Variants in MALRD1 observed in about 807,000 individuals in gnomAD.
MALRD1 encodes MAM and LDL-receptor class A domain-containing protein 1.
A neutral mutation model predicts 242.1 loss-of-function variants in MALRD1; 247 were observed. The ratio of observed to expected loss-of-function variants is 1.02; its 90% CI spans 0.92 to 1.13. The LOEUF (loss-of-function observed/expected upper bound fraction) is 1.13. Among genes scored for constraint, MALRD1 ranks in the 50% most tolerant of loss-of-function variants. The pLI, the probability that MALRD1 is intolerant of heterozygous loss-of-function variation, is 0.00. For synonymous variants in MALRD1, 995 were observed against 866.6 expected, an observed-to-expected ratio of 1.15 and a Z score of -2.60; for missense variants, 2,989 against 2,533.1, an observed-to-expected ratio of 1.18 and a Z score of -3.86.
At chr10:19,121,823 G>A (rs1263703184) in intron 5 of MALRD1, among the ~76,000 whole-genome samples, 1 of 152,166 alleles carries the variant, frequency 6.6e-6, no homozygotes, top group Non-Finnish European at 1.5e-5. Flanking sequence ...CCAATGAAAT[G>A]TGAAGCAAGG....
At chr10:19,542,688 A>C (rs1589221381) in intron 32 of MALRD1, among the ~76,000 whole-genome samples, 1 of 152,156 alleles carries the variant, frequency 6.6e-6, no homozygotes, top group African/African-American at 2.4e-5. Flanking sequence ...ATAGCTTCTC[A>C]GTTGGATACA....
At chr10:19,454,399 G>T (rs1172288799) in intron 29 of MALRD1, among the ~76,000 whole-genome samples, 1 of 38,982 alleles carries the variant, frequency 2.6e-5, no homozygotes, top group Non-Finnish European at 5.4e-5. Flanking sequence ...GGTAGATTAT[G>T]CATATGATAT....
chr10:19,661,865 C>G (rs533792207), intron 36 of MALRD1, among the ~76,000 whole-genome samples: 2 of 151,928 alleles, frequency 1.3e-5, no homozygotes, highest in African/African-American at 2.4e-5. Context: ...TTACAGAGAA[C>G]AAACCAAGGA....
Position 19,387,614 on chromosome 10 carries a change from G to A in MALRD1, c.4528G>A (p.Asp1510Asn), listed in dbSNP as rs1469627526. The A allele has an allele frequency of 1.3e-6, 2 of 1,550,278 alleles. No individual in the cohort carries two copies. Among genetic ancestry groups the A allele is most frequent in the African/African-American group, 1.4e-5 (1 of 73,008 alleles). Residue 1510 changes from aspartate (D) to asparagine (N), a missense_variant, in exon 27 of 40, where the codon GAT becomes AAT. Physicochemically the swap from Asp to Asn is conservative, Grantham distance 23 (BLOSUM62 1). Coordinates refer to ENST00000454679, the MANE Select transcript of MALRD1 (RefSeq NM_001142308.3). Reference protein sequence around the residue: ...QSCNFVDNCGDNTDENECGSS... With the variant: ...QSCNFVDNCGNNTDENECGSS... ...CTGTAACTTCGTAGATAACTGTGGAGATAATACTGATGAAAATGAGTGTGG... is the reference window on the plus strand; with the variant it reads ...CTGTAACTTCGTAGATAACTGTGGAAATAATACTGATGAAAATGAGTGTGG...
intron 36 of MALRD1, among the ~76,000 whole-genome samples, chr10:19,659,677 T>C (rs989485132): frequency 5.3e-5 from 8 of 152,176 alleles, no homozygotes; most frequent in African/African-American, 1.9e-4. Flanking sequence ...TTTTCTAACA[T>C]AATTGTAAGA....
intron 32 of MALRD1, among the ~76,000 whole-genome samples, chr10:19,542,853 C>G (rs1220768770): frequency 6.6e-6 from 1 of 152,042 alleles, no homozygotes; most frequent in African/African-American, 2.4e-5. Flanking sequence ...TTTGTTTTAC[C>G]TGTCTTAGAT....
At chr10:19,329,045 T>A (rs1843251416) in intron 23 of MALRD1, among the ~76,000 whole-genome samples, 1 of 152,212 alleles carries the variant, frequency 6.6e-6, no homozygotes, top group African/African-American at 2.4e-5. Flanking sequence ...TTTCAGCACA[T>A]ACAATCAATT....
intron 21 of MALRD1, among the ~76,000 whole-genome samples, chr10:19,298,138 T>C (rs571347112): frequency 6.6e-6 from 1 of 152,016 alleles, no homozygotes; most frequent in African/African-American, 2.4e-5. Context: ...GAATTTGTGC[T>C]ACATCAAAAC....
chr10:19,362,395 C>T (rs1844931589), intron 26 of MALRD1, among the ~76,000 whole-genome samples: 1 of 152,094 alleles, frequency 6.6e-6, no homozygotes, highest in Non-Finnish European at 1.5e-5. Context: ...CTCACTCCCT[C>T]CAAATCTAAT....
At chr10:19,710,436 A>G (rs1005980317) in intron 38 of MALRD1, 2 of 152,188 alleles carry the variant, frequency 1.3e-5, no homozygotes, top group African/African-American at 2.4e-5. Flanking sequence ...TCTTTAATCA[A>G]TTCCTTGATC....
At chr10:19,644,043 G>C (rs562168856) in intron 36 of MALRD1, among the ~76,000 whole-genome samples, 1 of 152,200 alleles carries the variant, frequency 6.6e-6, no homozygotes, top group African/African-American at 2.4e-5. Context: ...TTGCCTCTTC[G>C]GCTTTTTACT....
Position 19,204,892 on chromosome 10 carries a change from T to G in MALRD1, c.2211-6T>G, listed in dbSNP as rs1354354154. The G allele has an allele frequency of 6.5e-7, 1 of 1,533,970 alleles. No individual in the cohort carries two copies. The highest frequency in any genetic ancestry group is 1.2e-5 in the South Asian group (1 of 82,416). On this transcript the variant is annotated splice_polypyrimidine_tract_variant and splice_region_variant and intron_variant, in intron 16 of 39. Transcript: ENST00000454679. ...ACTTCCATTTCTTACGTTTACTCTTTTTTAGGTTCTATAACTATGGCCTGT... is the reference window on the plus strand; with the variant it reads ...ACTTCCATTTCTTACGTTTACTCTTGTTTAGGTTCTATAACTATGGCCTGT...
chr10:19,521,890 C>T (rs749175081), intron 31 of MALRD1, among the ~76,000 whole-genome samples: 1 of 152,116 alleles, frequency 6.6e-6, no homozygotes, highest in Non-Finnish European at 1.5e-5. Context: ...TTATTGTCAT[C>T]ATCATTGTTA....
At chr10:19,616,345 T>C (rs1457056714) in intron 36 of MALRD1, among the ~76,000 whole-genome samples, 1 of 152,038 alleles carries the variant, frequency 6.6e-6, no homozygotes, top group Non-Finnish European at 1.5e-5. Context: ...ATAAAATCAT[T>C]TGCTGGTTTA....
chr10:19,705,312 C>T (rs1323414276), intron 38 of MALRD1, among the ~76,000 whole-genome samples: 1 of 152,152 alleles, frequency 6.6e-6, no homozygotes, highest in East Asian at 1.9e-4. Context: ...GCTTTTGCAG[C>T]TAGAGTGTCA....
At chr10:19,226,272 T>C (rs1837796512) in intron 18 of MALRD1, among the ~76,000 whole-genome samples, 1 of 152,106 alleles carries the variant, frequency 6.6e-6, no homozygotes, top group Non-Finnish European at 1.5e-5. Context: ...ATTTACAAAA[T>C]GTAGCAAATT....
chr10:19,243,218 A>G (rs993770690), intron 18 of MALRD1, among the ~76,000 whole-genome samples: 3 of 150,558 alleles, frequency 2.0e-5, no homozygotes, highest in Non-Finnish European at 3.0e-5. Context: ...CCCGCCACAC[A>G]CACAATTTAT....
chr10:19,381,267 C>G (rs575261640), intron 26 of MALRD1, among the ~76,000 whole-genome samples: 1 of 151,284 alleles, frequency 6.6e-6, no homozygotes, highest in African/African-American at 2.4e-5. Context: ...GCATAGTATT[C>G]CATGGTGTAT....
upstream of MALRD1, among the ~76,000 whole-genome samples, chr10:19,046,998 A>AAG (rs1446679321): frequency 6.6e-6 from 1 of 152,116 alleles, no homozygotes; most frequent in Non-Finnish European, 1.5e-5. Flanking sequence ...CTGTGTTTGT[A>AAG]AGCTACATTC....
Sources: allele counts gnomAD v4.1 joint callset (sites outside exome capture counted in the v4.1 genomes callset), GRCh38; gene constraint gnomAD v4.1.1; transcripts MANE v1.5; gene names NCBI Gene and HGNC (gene_info 2026-07-23, HGNC 2026-07-21).